AUTS2: variants seen among roughly 807,000 people sequenced by gnomAD.
AUTS2 encodes activator of transcription and developmental regulator AUTS2.
In AUTS2, 17 loss-of-function variants were observed where a neutral mutation model predicts 112.4. That is an observed-to-expected ratio of 0.15 (90% confidence interval 0.10 to 0.23). AUTS2 has a LOEUF of 0.23. Among genes scored for constraint, AUTS2 ranks in the 10% least tolerant of loss-of-function variants. AUTS2 has a pLI of 1.00. For missense variants in AUTS2, 1,510 were observed against 1,701.6 expected (o/e 0.89, Z 1.98); for synonymous variants, 751 against 702.7 (o/e 1.07, Z -1.09).
intron 6 of AUTS2, among the ~76,000 whole-genome samples, chr7:70,727,942 A>T (rs180774412): frequency 1.8e-3 from 271 of 152,306 alleles, no homozygotes; most frequent in African/African-American, 6.2e-3. Context: ...GATTGTTCAG[A>T]TTCTTCTATG....
At chr7:70,548,288 A>G (rs1800871827) in intron 5 of AUTS2, among the ~76,000 whole-genome samples, 1 of 152,170 alleles carries the variant, frequency 6.6e-6, no homozygotes, top group Non-Finnish European at 1.5e-5. Flanking sequence ...TAGACTTGTA[A>G]GAATTCTGTA....
intron 4 of AUTS2, among the ~76,000 whole-genome samples, chr7:70,361,386 A>G (rs760642479): frequency 1.5e-4 from 23 of 152,036 alleles, no homozygotes; most frequent in Non-Finnish European, 3.1e-4. Flanking sequence ...CGATAGAGCA[A>G]AGTATTTTGC....
intron 2 of AUTS2, among the ~76,000 whole-genome samples, chr7:70,055,901 G>T (rs1437187748): frequency 6.6e-6 from 1 of 151,970 alleles, no homozygotes; most frequent in African/African-American, 2.4e-5. Flanking sequence ...GGTCAGGCAG[G>T]TCTCGAACTC....
rs1563192310 is a variant in AUTS2, at chr7:70,777,835, C to CTT, written c.2004+662_2004+663insTT. ...CAAGAATTAGAATACAGAAAATACTCTGCATCTGGGAAGAGCTACAAATGA... is the reference window on the plus strand; with the variant it reads ...CAAGAATTAGAATACAGAAAATACTCTTTGCATCTGGGAAGAGCTACAAATGA... On this transcript the variant is annotated intron_variant, in intron 14 of 18. Transcript: ENST00000342771. 5.3e-5 allele frequency among the ~76,000 whole-genome samples: 8 copies of CTT among 152,280 alleles called. 1 individual carries two copies. Among genetic ancestry groups the CTT allele is most frequent in the Admixed American group, 1.3e-4 (2 of 15,298 alleles).
At chr7:70,548,146 C>G (rs1419649782) in intron 5 of AUTS2, among the ~76,000 whole-genome samples, 2 of 152,184 alleles carry the variant, frequency 1.3e-5, no homozygotes, top group African/African-American at 4.8e-5. Context: ...TTTCTACCCG[C>G]ACCCCATCCC....
intron 5 of AUTS2, among the ~76,000 whole-genome samples, chr7:70,460,114 G>A (rs1027623104): frequency 6.6e-6 from 1 of 152,130 alleles, no homozygotes; most frequent in Non-Finnish European, 1.5e-5. Context: ...AACTAGTGAA[G>A]TTTAAAACCA....
intron 1 of AUTS2, among the ~76,000 whole-genome samples, chr7:69,664,542 C>T (rs919816632): frequency 7.2e-5 from 11 of 152,238 alleles, no homozygotes; most frequent in African/African-American, 2.2e-4. Flanking sequence ...TAATATTTTA[C>T]GTTAACCATG....
At position 70,174,886 on chromosome 7, in the gene AUTS2, T is replaced by C. The variant is rs139931408; in HGVS notation, c.660+40315T>C. On this transcript the variant is annotated intron_variant, in intron 4 of 18. Coordinates refer to ENST00000342771, the MANE Select transcript of AUTS2 (RefSeq NM_015570.4). Reference sequence around the variant, plus strand: ...TGATGGAGTTGTACAAGGAGATAAATGTTGTTTTCATGCCTGGTGACAGAA... The same window carrying C: ...TGATGGAGTTGTACAAGGAGATAAACGTTGTTTTCATGCCTGGTGACAGAA... 2.5e-3 allele frequency among the ~76,000 whole-genome samples: 375 copies of C among 152,296 alleles called. 1 individual carries two copies. Among genetic ancestry groups the C allele is most frequent in the African/African-American group, 8.3e-3 (345 of 41,576 alleles).
At chr7:69,753,986 GT>G (rs1312984868) in intron 1 of AUTS2, among the ~76,000 whole-genome samples, 3 of 152,308 alleles carry the variant, frequency 2.0e-5, no homozygotes, top group African/African-American at 7.2e-5. Flanking sequence ...ACAGTGGCCT[GT>G]TTTCCTTTGC....
At chr7:70,742,969 G>C (rs1788206134) in intron 6 of AUTS2, among the ~76,000 whole-genome samples, 1 of 152,058 alleles carries the variant, frequency 6.6e-6, no homozygotes, top group Admixed American at 6.6e-5. Context: ...CTTAGCTAGT[G>C]GTAAAGCCAG....
At chr7:70,245,673 TC>T (rs1266312392) in intron 4 of AUTS2, among the ~76,000 whole-genome samples, 1 of 152,170 alleles carries the variant, frequency 6.6e-6, no homozygotes, top group African/African-American at 2.4e-5. Flanking sequence ...ACAGGTTGTT[TC>T]CATTTTTGAT....
chr7:69,636,491 C>CCT (rs1175924266), intron 1 of AUTS2, among the ~76,000 whole-genome samples: 3 of 97,470 alleles, frequency 3.1e-5, no homozygotes, highest in African/African-American at 1.2e-4. Context: ...CCCCCCCCCC[C>CCT]CCTTGGCCTC....
intron 1 of AUTS2, among the ~76,000 whole-genome samples, chr7:69,737,053 G>A (rs1326801111): frequency 6.6e-6 from 1 of 152,110 alleles, no homozygotes; most frequent in Admixed American, 6.6e-5. Context: ...ATTTGTTATT[G>A]AGAGCAGGAG....
chr7:70,276,377 C>CTT (rs545099548), intron 4 of AUTS2, among the ~76,000 whole-genome samples: 13 of 139,916 alleles, frequency 9.3e-5, no homozygotes, highest in African/African-American at 1.0e-4. Flanking sequence ...AATTTTGTGA[C>CTT]TTTTTTTTTT....
intron 4 of AUTS2, among the ~76,000 whole-genome samples, chr7:70,341,576 C>G (rs1249462402): frequency 1.3e-5 from 2 of 152,208 alleles, no homozygotes; most frequent in African/African-American, 4.8e-5. Context: ...AAGTTAAGCA[C>G]TGAGATAGTT....
intron 2 of AUTS2, among the ~76,000 whole-genome samples, chr7:70,019,466 T>C (rs1369690711): frequency 6.6e-6 from 1 of 152,174 alleles, no homozygotes; most frequent in African/African-American, 2.4e-5. Context: ...TTAAAAACAA[T>C]TTCTGTGGTT....
Position 70,644,684 on chromosome 7 carries a change from A to G in AUTS2, c.691-53885A>G, listed in dbSNP as rs147646242. 5.3e-3 allele frequency among the ~76,000 whole-genome samples: 806 copies of G among 152,216 alleles called. 7 individuals carry two copies. Among genetic ancestry groups the G allele is most frequent in the African/African-American group, 0.018 (763 of 41,532 alleles). On this transcript the variant is annotated intron_variant, in intron 5 of 18. Transcript: ENST00000342771. The stretch of plus-strand genomic sequence containing the variant: ...CATGCCAGATCCTGTAATTCATTCA[A>G]CGTTTGCTTCCATTTCCACCTCCTC...
intron 2 of AUTS2, among the ~76,000 whole-genome samples, chr7:70,098,715 T>C (rs927875027): frequency 1.6e-4 from 24 of 151,908 alleles, no homozygotes; most frequent in Non-Finnish European, 3.4e-4. Context: ...TCTTTTTTTT[T>C]TTTTGAGACA....
chr7:70,609,580 G>GTT (rs773394729), intron 5 of AUTS2, among the ~76,000 whole-genome samples: 3 of 143,746 alleles, frequency 2.1e-5, no homozygotes, highest in Admixed American at 1.4e-4. Flanking sequence ...TTTTTGTTTT[G>GTT]TTTTTTTTTT....
Sources: gnomAD v4.1 joint callset for allele counts (sites outside exome capture counted in the v4.1 genomes callset) on GRCh38, gnomAD v4.1.1 for gene constraint, MANE v1.5 for transcripts, NCBI Gene and HGNC (gene_info 2026-07-23, HGNC 2026-07-21) for gene names.